FCRL1: variants seen among roughly 807,000 people sequenced by gnomAD.
The protein encoded by FCRL1 is Fc receptor like 1, also known as Fc receptor-like protein 1.
Under a neutral mutation model 49.2 loss-of-function variants are expected in FCRL1, and 34 were observed. The ratio of observed to expected loss-of-function variants is 0.69; its 90% CI spans 0.53 to 0.92. The LOEUF is 0.92. Among genes scored for constraint, FCRL1 ranks in the 40% least tolerant of loss-of-function variants. The probability of loss-of-function intolerance (pLI) is 0.00; values close to 1 mark genes in which losing one functional copy is unlikely to be tolerated. For missense variants in FCRL1, 524 were observed against 524.1 expected (o/e 1.00, Z 0.00); for synonymous variants, 218 against 201.6 (o/e 1.08, Z -0.69).
chr1:157,803,801 C>A, intron 3 of FCRL1, 44 bp downstream of exon 3: 3 of 1,596,338 alleles, frequency 1.9e-6, no homozygotes, highest in Non-Finnish European at 2.6e-6. Context: ...CTTGCCACTG[C>A]CCTTCTCAGC....
chr1:157,797,012 C>G, intron 10 of FCRL1, 89 bp downstream of exon 10: 1 of 1,357,076 alleles, frequency 7.4e-7, no homozygotes, highest in Non-Finnish European at 1.0e-6. Flanking sequence ...GATTTTTGCT[C>G]TTTCTAAGTG....
At chr1:157,816,169 C>G (rs543539087) in intron 1 of FCRL1, among the ~76,000 whole-genome samples, 12 of 151,898 alleles carry the variant, frequency 7.9e-5, no homozygotes, top group Non-Finnish European at 1.2e-4. Context: ...AGGCTGATAT[C>G]TCCGATAGAC....
At chr1:157,815,168 C>T (rs78567820) in intron 1 of FCRL1, among the ~76,000 whole-genome samples, 3,629 of 151,950 alleles carry the variant, frequency 0.024, 135 homozygotes, top group African/African-American at 0.083. Context: ...TTCTCAACTG[C>T]ACATGGAACA....
chr1:157,798,312 G>T (rs1651877492), intron 7 of FCRL1, 69 bp from the exon 8 acceptor site: 32 of 1,306,448 alleles, frequency 2.4e-5, no homozygotes, highest in Non-Finnish European at 3.4e-5. Context: ...TCACACTGAA[G>T]GAGAGAAGCC....
At chr1:157,816,620 G>A (rs1655054619) in intron 1 of FCRL1, among the ~76,000 whole-genome samples, 1 of 151,720 alleles carries the variant, frequency 6.6e-6, no homozygotes, top group Non-Finnish European at 1.5e-5. Flanking sequence ...GAAAGAAAGG[G>A]CATCCAAATT....
intron 4 of FCRL1, 81 bp from the exon 5 acceptor site, chr1:157,802,274 C>T: frequency 1.3e-6 from 2 of 1,575,906 alleles, no homozygotes; most frequent in Non-Finnish European, 1.7e-6. Context: ...TGCTCAGCCC[C>T]ATTGAACTTC....
At chr1:157,801,097 G>A (rs558336883) in intron 6 of FCRL1, among the ~76,000 whole-genome samples, 11 of 152,156 alleles carry the variant, frequency 7.2e-5, no homozygotes, top group East Asian at 1.9e-4. Context: ...TCACCATGTT[G>A]GCCAGGATGG....
Position 157,800,092 on chromosome 1 carries a change from GA to G in FCRL1, c.1004-8del, listed in dbSNP as rs771581218. ...TCCCTGGCTGAACGTCTTCCTGAAA[GA>G]AAAACAAATGAGCATACACATAAAT... On this transcript the variant is annotated splice_region_variant and splice_polypyrimidine_tract_variant and intron_variant, in intron 6 of 10. Coordinates refer to ENST00000368176, the MANE Select transcript of FCRL1 (RefSeq NM_052938.5). The G allele has an allele frequency of 1.2e-6, 2 of 1,613,028 alleles. No individual in the cohort carries two copies. The highest frequency in any genetic ancestry group is 2.2e-5 in the South Asian group (2 of 90,910).
chr1:157,797,632 A>T (rs1651732022), intron 9 of FCRL1: 9 of 1,019,438 alleles, frequency 8.8e-6, no homozygotes, highest in Non-Finnish European at 5.9e-6. Flanking sequence ...TTTCTAAGTG[A>T]CTATAATTTA....
In FCRL1 at chr1:157,803,889, G is replaced by T. The variant is rs200909970; in HGVS notation, c.275C>A (p.Ala92Glu). The change falls in exon 3 of 11, where the codon GCG becomes GAG. Residue 92 changes from alanine to glutamate, a missense_variant. By Grantham distance (107) the Ala-to-Glu change is moderately radical. Transcript: ENST00000368176. ...TCTCCTGCTCCTCAAGACTTTGGAC[G>T]CCATTGTCTGTGCCTCGCACCAGTA... is the stretch of plus-strand genomic sequence containing the variant. ...GSYWCEAQTM[A>E]SKVLRSRRSQ... 1 of 1,614,118 alleles carries T rather than the reference G, an allele frequency of 6.2e-7. No homozygotes were observed. Among genetic ancestry groups the T allele is most frequent in the Non-Finnish European group, 8.5e-7 (1 of 1,180,012 alleles).
In FCRL1 at chr1:157,800,068, C is replaced by T. The variant is rs267598091; in HGVS notation, c.1021G>A (p.Asp341Asn). 3.8e-5 allele frequency: 61 copies of T among 1,613,204 alleles called. No individual in the cohort carries two copies. Among genetic ancestry groups the T allele is most frequent in the Non-Finnish European group, 4.7e-5 (56 of 1,179,534 alleles). Residue 341 changes from aspartate to asparagine, a missense_variant, in exon 7 of 11, where the codon GAT (aspartate) becomes AAT (asparagine). Physicochemically the swap from Asp to Asn is conservative, Grantham distance 23 (BLOSUM62 1). Transcript: ENST00000368176. Reference sequence around the variant, plus strand: ...GAAAACAGGCCTCACCTGAGTGGATCCCTGGCTGAACGTCTTCCTGAAAGA... The same window carrying T: ...GAAAACAGGCCTCACCTGAGTGGATTCCTGGCTGAACGTCTTCCTGAAAGA... ...KRKIGRRSAR[D>N]PLRSLPSPLP...
At chr1:157,803,763 T>A in intron 3 of FCRL1, 82 bp downstream of exon 3, 1 of 1,514,308 alleles carries the variant, frequency 6.6e-7, no homozygotes, top group Non-Finnish European at 8.9e-7. Flanking sequence ...CTTGCAGAGA[T>A]AGAACCCATA....
intron 2 of FCRL1, among the ~76,000 whole-genome samples, chr1:157,804,869 T>A (rs1653158349): frequency 6.6e-6 from 1 of 151,422 alleles, no homozygotes; most frequent in Non-Finnish European, 1.5e-5. Flanking sequence ...TTTTTTTTTT[T>A]TCCTTTTTGA....
At chr1:157,798,040 C>A in intron 8 of FCRL1, 101 bp from the exon 9 acceptor site, 1 of 1,509,368 alleles carries the variant, frequency 6.6e-7, no homozygotes, top group South Asian at 1.1e-5. Flanking sequence ...ACAGATGAGT[C>A]ATTTGTTTGT....
At position 157,804,905 on chromosome 1, in the gene FCRL1, G is replaced by C. The variant is rs551885355; in HGVS notation, c.53-794C>G. Among the ~76,000 whole-genome samples, 16 of 150,526 alleles carry C rather than the reference G, an allele frequency of 1.1e-4. No homozygotes were observed. In the South Asian group the frequency reaches 3.1e-3, roughly 30 times the overall value. On this transcript the variant is annotated intron_variant, in intron 2 of 10. Coordinates refer to ENST00000368176, the MANE Select transcript of FCRL1 (RefSeq NM_052938.5). ...GACAGGGTCATGTTCTGACTCTCAG[G>C]CTTGAGTTCAGTGATGCGATCTCAG...
Position 157,801,478 on chromosome 1 carries a change from C to A in FCRL1, c.986G>T (p.Gly329Val). 1 of 1,611,800 alleles carries A rather than the reference C, an allele frequency of 6.2e-7. No individual in the cohort carries two copies. The highest frequency in any genetic ancestry group is 8.5e-7 in the Non-Finnish European group (1 of 1,178,278). ...PATVALLFCY[G>V]LKRKIGRRSA... ...ATACTAACCTATTTTTCTTTTGAGGCCGTAGCAAAATAATAAGGCCACGGT... is the reference window on the plus strand; with the variant it reads ...ATACTAACCTATTTTTCTTTTGAGGACGTAGCAAAATAATAAGGCCACGGT... Residue 329 changes from glycine to valine, a missense_variant, in exon 6 of 11, where the codon GGC (glycine) becomes GTC (valine). Transcript: ENST00000368176.
At chr1:157,808,272 A>G (rs1653778838) in intron 1 of FCRL1, among the ~76,000 whole-genome samples, 2 of 152,208 alleles carry the variant, frequency 1.3e-5, no homozygotes, top group Non-Finnish European at 1.5e-5. Context: ...AGTATATAAT[A>G]TTCTTTCAGA....
chr1:157,819,085 T>C (rs1655444696), intron 1 of FCRL1, among the ~76,000 whole-genome samples: 1 of 152,134 alleles, frequency 6.6e-6, no homozygotes, highest in Admixed American at 6.5e-5. Flanking sequence ...AGTTTTCTTC[T>C]GACTGCTTTT....
intron 10 of FCRL1, among the ~76,000 whole-genome samples, chr1:157,796,558 A>T (rs1651522631): frequency 6.6e-6 from 1 of 152,202 alleles, no homozygotes; most frequent in African/African-American, 2.4e-5. Context: ...GCCACACCAC[A>T]CTAGACAAAA....
Sources: allele counts gnomAD v4.1 joint callset (sites outside exome capture counted in the v4.1 genomes callset), GRCh38; gene constraint gnomAD v4.1.1; transcripts MANE v1.5; gene names NCBI Gene and HGNC (gene_info 2026-07-23, HGNC 2026-07-21).